Variants in DCBLD2 observed in about 807,000 individuals in gnomAD.
DCBLD2 encodes the protein discoidin, CUB and LCCL domain-containing protein 2.
A neutral mutation model predicts 86.8 loss-of-function variants in DCBLD2; 54 were observed. That is an observed-to-expected ratio of 0.62 (90% CI 0.50 to 0.78). DCBLD2 has a LOEUF of 0.78. Ranked by LOEUF, DCBLD2 falls within the 30% of genes least tolerant of loss-of-function variation. The pLI is 0.00. For synonymous variants in DCBLD2, 354 were observed against 341.3 expected (o/e 1.04, Z -0.41); for missense variants, 908 against 954.2 (o/e 0.95, Z 0.64).
At chr3:98,888,008 G>T (rs1943591765) in intron 1 of DCBLD2, among the ~76,000 whole-genome samples, 1 of 151,850 alleles carries the variant, frequency 6.6e-6, no homozygotes, top group African/African-American at 2.4e-5. Context: ...CAAAACCCTG[G>T]TAACCACTGA....
intron 9 of DCBLD2, chr3:98,815,814 G>A (rs115341474): frequency 2.6e-5 from 4 of 151,884 alleles, no homozygotes; most frequent in Non-Finnish European, 4.4e-5. Flanking sequence ...ATAGATTAGT[G>A]AACTTGAAGA....
rs1285713666 is a variant in DCBLD2, at chr3:98,811,140, AG to A, written c.1576+53del. ...GTTTAAAAATGCCCGTGAAAACTTC[AG>A]TTAAGAACAAAACAATACTATGTAC... On this transcript the variant is annotated intron_variant, in intron 12 of 15. Coordinates refer to ENST00000326840, the MANE Select transcript of DCBLD2 (RefSeq NM_080927.4). The A allele has an allele frequency of 3.4e-6, 5 of 1,463,404 alleles. No individual in the cohort carries two copies. The African/African-American group carries it at 7.2e-5, about 21-fold the overall frequency. 90.7% of individuals were successfully genotyped at this position (1,463,404 alleles called of 1,614,324 possible). A position where few individuals can be genotyped will look rare whatever the true frequency, so the allele number is the denominator to read the frequency against.
chr3:98,814,567 C>CA (rs1388611559), intron 9 of DCBLD2: 2 of 152,030 alleles, frequency 1.3e-5, no homozygotes, highest in Non-Finnish European at 2.9e-5. Context: ...ATAAATATGG[C>CA]ATAATGTTAG....
intron 1 of DCBLD2, among the ~76,000 whole-genome samples, chr3:98,896,318 ATT>A (rs755281946): frequency 5.3e-5 from 8 of 152,226 alleles, no homozygotes; most frequent in Non-Finnish European, 1.2e-4. Context: ...TTAGCCTGAT[ATT>A]TGTTTCTAAA....
At chr3:98,851,694 C>G (rs183085375) in intron 2 of DCBLD2, among the ~76,000 whole-genome samples, 94 of 152,302 alleles carry the variant, frequency 6.2e-4, no homozygotes, top group African/African-American at 1.5e-3. Context: ...TACAAGGCTA[C>G]AGTAACCCAA....
At chr3:98,839,124 TTTC>T (rs200295235) in intron 3 of DCBLD2, among the ~76,000 whole-genome samples, 2,549 of 28,032 alleles carry the variant, frequency 0.091, 66 homozygotes, top group South Asian at 0.2. Flanking sequence ...TTTCTTTTTC[TTTC>T]TTTCCTTCCT....
intron 2 of DCBLD2, among the ~76,000 whole-genome samples, chr3:98,863,099 C>G (rs1449932067): frequency 1.3e-5 from 2 of 152,158 alleles, no homozygotes; most frequent in African/African-American, 2.4e-5. Flanking sequence ...AGAGCCAAAT[C>G]ATGAGTGAAC....
intron 3 of DCBLD2, among the ~76,000 whole-genome samples, chr3:98,841,026 T>C (rs1942610528): frequency 6.6e-6 from 1 of 152,176 alleles, no homozygotes; most frequent in Admixed American, 6.5e-5. Context: ...AAAGAGCATC[T>C]TCAGTGTTGA....
intron 4 of DCBLD2, among the ~76,000 whole-genome samples, chr3:98,823,471 AT>A (rs1942159161): frequency 6.6e-6 from 1 of 152,136 alleles, no homozygotes; most frequent in African/African-American, 2.4e-5. Context: ...CACCCAACAC[AT>A]TTATTTGAGT....
intron 13 of DCBLD2, among the ~76,000 whole-genome samples, chr3:98,804,006 C>T (rs974783319): frequency 7.3e-5 from 11 of 150,404 alleles, no homozygotes; most frequent in Admixed American, 6.6e-5. Flanking sequence ...CTAAAATTCT[C>T]TTTTTTTTGT....
intron 2 of DCBLD2, among the ~76,000 whole-genome samples, chr3:98,852,731 A>G (rs1942862883): frequency 6.6e-6 from 1 of 152,216 alleles, no homozygotes; most frequent in African/African-American, 2.4e-5. Flanking sequence ...GGTGGCCTGG[A>G]AGAATGCAAA....
intron 9 of DCBLD2, chr3:98,814,973 T>G (rs1273257507): frequency 2.6e-5 from 4 of 152,168 alleles, no homozygotes; most frequent in African/African-American, 7.2e-5. Context: ...CAGGCCACAG[T>G]GCAGGGAGAG....
At chr3:98,801,707 C>A in intron 13 of DCBLD2, 58 bp from the exon 14 acceptor site, 1 of 1,336,664 alleles carries the variant, frequency 7.5e-7, no homozygotes, top group Non-Finnish European at 1.0e-6. Context: ...TAAGCCTGCT[C>A]CCCCTACCCC....
Position 98,838,121 on chromosome 3 carries a change from G to T in DCBLD2, c.571+11340C>A, listed in dbSNP as rs1223451759. Among the ~76,000 whole-genome samples the T allele has an allele frequency of 1.5e-4, 21 of 137,924 alleles. No homozygotes were observed. The South Asian group carries it at 3.0e-3, about 19-fold the overall frequency. The allele number at this position is 137,924 out of a possible 152,430, so 90.5% of individuals were successfully genotyped here. Reference sequence around the variant, plus strand: ...TGAACCCCCCACCTCCCTCCCGGATGGGGCGGCTGGTCGGGCGGGGGGCTG... The same window carrying T: ...TGAACCCCCCACCTCCCTCCCGGATTGGGCGGCTGGTCGGGCGGGGGGCTG... On this transcript the variant is annotated intron_variant, in intron 3 of 15. Coordinates refer to ENST00000326840, the MANE Select transcript of DCBLD2 (RefSeq NM_080927.4).
rs72934681 is a variant in DCBLD2 at position 98,824,902 on chromosome 3, A to G, written c.623+413T>C. On this transcript the variant is annotated intron_variant, in intron 4 of 15. Transcript: ENST00000326840. ...CTCGATTAGAAGTTGTCTAGGCAAG[A>G]GACAAAGGCATAAAGAAGAGAAATA... Among the ~76,000 whole-genome samples, 738 of 152,318 alleles carry G rather than the reference A, an allele frequency of 4.8e-3. 5 individuals carry two copies. The highest frequency in any genetic ancestry group is 0.017 in the African/African-American group (694 of 41,564).
At chr3:98,878,243 G>C (rs1943403121) in intron 2 of DCBLD2, among the ~76,000 whole-genome samples, 1 of 152,104 alleles carries the variant, frequency 6.6e-6, no homozygotes, top group African/African-American at 2.4e-5. Flanking sequence ...AAATATCAAA[G>C]TTAATAGCAC....
At chr3:98,832,708 C>A (rs1942345593) in intron 3 of DCBLD2, among the ~76,000 whole-genome samples, 1 of 152,162 alleles carries the variant, frequency 6.6e-6, no homozygotes, top group African/African-American at 2.4e-5. Flanking sequence ...CTTAGTTTGG[C>A]TGGTTATGAA....
chr3:98,815,488 A>G (rs1942004532), intron 9 of DCBLD2: 1 of 152,252 alleles, frequency 6.6e-6, no homozygotes, highest in Non-Finnish European at 1.5e-5. Context: ...AATATTAATA[A>G]CAAAAAACCC....
In DCBLD2 at chr3:98,808,153, A is replaced by G. The variant is rs1396722251; in HGVS notation, c.1598T>C (p.Leu533Pro). ...GAGGACCATGACCAGCACAGGGACAAGAACTGCAGCCAGCGCTACATCTGA... is the reference window on the plus strand; with the variant it reads ...GAGGACCATGACCAGCACAGGGACAGGAACTGCAGCCAGCGCTACATCTGA... ...VTKDVALAAV[L>P]VPVLVMVLTT... is the part of the protein sequence containing the mutation. The change falls in exon 13 of 16, where the codon CTT becomes CCT. Residue 533 changes from leucine to proline, a missense_variant. Leu to Pro is a moderately conservative substitution (Grantham distance 98). This residue lies in a region of DCBLD2 where 606 missense variants were observed against 678.5 expected (regional missense o/e 0.89). Transcript: ENST00000326840. 2.5e-6 allele frequency: 4 copies of G among 1,604,234 alleles called. No individual in the cohort carries two copies. The highest frequency in any genetic ancestry group is 3.4e-6 in the Non-Finnish European group (4 of 1,175,426).
Sources: gnomAD v4.1 joint callset for allele counts (sites outside exome capture counted in the v4.1 genomes callset) on GRCh38, gnomAD v4.1.1 for gene constraint, gnomAD v4.1.1 regional missense constraint, MANE v1.5 for transcripts, NCBI Gene and HGNC (gene_info 2026-07-23, HGNC 2026-07-21) for gene names.